Variants in COL24A1 observed in about 807,000 individuals in gnomAD.
The protein encoded by COL24A1 is collagen alpha-1(XXIV) chain.
COL24A1 carries 224 observed loss-of-function variants against 253.9 expected under a neutral mutation model. The observed-to-expected ratio is 0.88, with a 90% CI of 0.79 to 0.99. The LOEUF (loss-of-function observed/expected upper bound fraction) is 0.99. Ranked by LOEUF, COL24A1 falls within the 50% of genes least tolerant of loss-of-function variation. The pLI, the probability that COL24A1 is intolerant of heterozygous loss-of-function variation, is 0.00. For missense variants in COL24A1, 2,131 were observed against 2,068.5 expected (o/e 1.03, Z -0.59); for synonymous variants, 685 against 673.7 (o/e 1.02, Z -0.26).
At chr1:85,759,385 C>T (rs150217876) in intron 55 of COL24A1, among the ~76,000 whole-genome samples, 1 of 152,162 alleles carries the variant, frequency 6.6e-6, no homozygotes, top group East Asian at 1.9e-4. Flanking sequence ...TCAGTTCTAT[C>T]TTGTAGTGTG....
chr1:85,780,501 G>A (rs1408694485), intron 52 of COL24A1, among the ~76,000 whole-genome samples: 1 of 151,954 alleles, frequency 6.6e-6, no homozygotes, highest in African/African-American at 2.4e-5. Flanking sequence ...TAAAGCACTG[G>A]CATATAATAC....
At chr1:85,850,995 G>A (rs1677700691) in intron 37 of COL24A1, among the ~76,000 whole-genome samples, 3 of 115,114 alleles carry the variant, frequency 2.6e-5, no homozygotes, top group African/African-American at 8.7e-5. Flanking sequence ...ATGTGTGTGT[G>A]TGTGTGTATA....
chr1:85,831,959 T>G (rs1487370189), intron 43 of COL24A1, among the ~76,000 whole-genome samples: 3 of 152,156 alleles, frequency 2.0e-5, no homozygotes, highest in African/African-American at 2.4e-5. Flanking sequence ...TTTTTGCTTT[T>G]GTTGACATTG....
chr1:86,120,835 A>C (rs61802240), intron 3 of COL24A1, among the ~76,000 whole-genome samples: 3 of 152,058 alleles, frequency 2.0e-5, no homozygotes, highest in Non-Finnish European at 2.9e-5. Flanking sequence ...ATAAAGACAC[A>C]TGCACATGTA....
intron 28 of COL24A1, among the ~76,000 whole-genome samples, chr1:85,904,946 A>T (rs980341552): frequency 1.3e-5 from 2 of 152,162 alleles, no homozygotes; most frequent in Non-Finnish European, 2.9e-5. Flanking sequence ...TGTAAGGTGG[A>T]TGGATGGGCA....
At chr1:85,892,089 A>G (rs1344143242) in intron 31 of COL24A1, among the ~76,000 whole-genome samples, 1 of 152,158 alleles carries the variant, frequency 6.6e-6, no homozygotes, top group Non-Finnish European at 1.5e-5. Flanking sequence ...AAGATTTCCT[A>G]TATCAAAGAT....
chr1:85,956,535 AG>A (rs1690487180), intron 24 of COL24A1, among the ~76,000 whole-genome samples: 1 of 152,198 alleles, frequency 6.6e-6, no homozygotes, highest in Non-Finnish European at 1.5e-5. Context: ...AAAGTCTATA[AG>A]TAAAGGAATA....
At chr1:86,024,001 C>A (rs1402706589) in intron 14 of COL24A1, among the ~76,000 whole-genome samples, 1 of 151,974 alleles carries the variant, frequency 6.6e-6, no homozygotes, top group Non-Finnish European at 1.5e-5. Context: ...AAGAATGTTA[C>A]CTCTTGTAGT....
At chr1:85,735,849 T>C (rs1663991686) in intron 58 of COL24A1, among the ~76,000 whole-genome samples, 1 of 150,830 alleles carries the variant, frequency 6.6e-6, no homozygotes, top group African/African-American at 2.4e-5. Context: ...TTTCCAAGCA[T>C]AAAGTTAGAA....
chr1:85,922,019 A>G (rs563678462), intron 24 of COL24A1, among the ~76,000 whole-genome samples: 70 of 152,368 alleles, frequency 4.6e-4, no homozygotes, highest in African/African-American at 1.6e-3. Flanking sequence ...TACGTGACGC[A>G]TGCACAAGCT....
At chr1:86,105,353 G>A (rs992221237) in intron 5 of COL24A1, among the ~76,000 whole-genome samples, 1 of 152,200 alleles carries the variant, frequency 6.6e-6, no homozygotes, top group Non-Finnish European at 1.5e-5. Flanking sequence ...TGGGGATGCT[G>A]CAGTGAGGGA....
At chr1:85,761,267 A>G in intron 55 of COL24A1, 129 bp downstream of exon 55, 1 of 962,134 alleles carries the variant, frequency 1.0e-6, no homozygotes, top group Non-Finnish European at 1.6e-6. Flanking sequence ...GCCCTGTATC[A>G]GGTTAGCAAA....
chr1:85,829,813 T>C (rs1674933957), intron 43 of COL24A1, among the ~76,000 whole-genome samples: 1 of 151,970 alleles, frequency 6.6e-6, no homozygotes, highest in African/African-American at 2.4e-5. Flanking sequence ...TTATTCTAGT[T>C]ATACATTCTT....
intron 57 of COL24A1, 57 bp from the exon 58 acceptor site, chr1:85,737,562 A>T (rs924519074): frequency 4.9e-6 from 6 of 1,227,628 alleles, no homozygotes; most frequent in African/African-American, 1.6e-5. Flanking sequence ...AATCCTTATA[A>T]TTTCTTTTTT....
intron 45 of COL24A1, among the ~76,000 whole-genome samples, chr1:85,818,965 T>C (rs749912379): frequency 1.4e-4 from 21 of 152,236 alleles, no homozygotes; most frequent in Non-Finnish European, 3.1e-4. Flanking sequence ...AAGATGTTAC[T>C]TTTTTGACAA....
At chr1:85,792,537 A>AG (rs1221552020) in intron 47 of COL24A1, among the ~76,000 whole-genome samples, 5 of 150,026 alleles carry the variant, frequency 3.3e-5, no homozygotes. Flanking sequence ...AAAAAAAAAA[A>AG]AAAGAAAGGA....
In COL24A1 at chr1:85,729,950, T is replaced by C. The variant is rs1663316925; in HGVS notation, c.*596A>G. The C allele has an allele frequency of 6.5e-6, 1 of 152,740 alleles. No homozygotes were observed. The highest frequency in any genetic ancestry group is 1.9e-4 in the East Asian group (1 of 5,186). 9.5% of individuals were successfully genotyped at this position (152,740 alleles called of 1,614,324 possible). ...AACATATCTTGATGTAACCAGTACA[T>C]ACACTTTTAAAGAATGACAAAGATG... is the stretch of plus-strand genomic sequence containing the variant. On this transcript the variant is annotated 3_prime_UTR_variant, in exon 60 of 60. Coordinates refer to ENST00000370571, the MANE Select transcript of COL24A1 (RefSeq NM_152890.7).
At chr1:85,842,169 G>C in intron 40 of COL24A1, 48 bp from the exon 41 acceptor site, 2 of 1,556,612 alleles carry the variant, frequency 1.3e-6, no homozygotes, top group Non-Finnish European at 1.8e-6. Context: ...CTAGATATTA[G>C]ATATTGCATT....
intron 52 of COL24A1, among the ~76,000 whole-genome samples, chr1:85,776,198 T>C (rs1036834063): frequency 2.6e-5 from 4 of 152,186 alleles, no homozygotes; most frequent in African/African-American, 9.6e-5. Flanking sequence ...CTTTGATCCA[T>C]GGATTATTTA....
Sources: allele counts gnomAD v4.1 joint callset (sites outside exome capture counted in the v4.1 genomes callset), GRCh38; gene constraint gnomAD v4.1.1; transcripts MANE v1.5; gene names NCBI Gene and HGNC (gene_info 2026-07-23, HGNC 2026-07-21).